DOCK1: variants seen among roughly 807,000 people sequenced by gnomAD.
The protein encoded by DOCK1 is dedicator of cytokinesis protein 1.
DOCK1 carries 138 observed loss-of-function variants against 262.7 expected under a neutral mutation model. The ratio of observed to expected loss-of-function variants is 0.53; its 90% CI spans 0.46 to 0.61. The LOEUF (loss-of-function observed/expected upper bound fraction) is 0.61, where lower values mean the gene tolerates loss of function less well. DOCK1 is among the 20% of genes least tolerant of loss of function. The pLI, the probability that DOCK1 is intolerant of heterozygous loss-of-function variation, is 0.00. For synonymous variants in DOCK1, 866 were observed against 867.4 expected (o/e 1.00, Z 0.03); for missense variants, 1,908 against 2,370.7 (o/e 0.80, Z 4.05).
intron 1 of DOCK1, among the ~76,000 whole-genome samples, chr10:126,926,787 G>A (rs1233302309): frequency 6.6e-6 from 1 of 152,190 alleles, no homozygotes; most frequent in East Asian, 1.9e-4. Flanking sequence ...AGCCCGTAGG[G>A]CTCCCTGGAG....
intron 24 of DOCK1, among the ~76,000 whole-genome samples, chr10:127,108,957 T>A (rs1368586039): frequency 6.6e-6 from 1 of 152,200 alleles, no homozygotes; most frequent in Non-Finnish European, 1.5e-5. Context: ...GGCCTCTAGC[T>A]ACTGTGCTAC....
chr10:126,933,437 G>A (rs927668580), intron 1 of DOCK1, among the ~76,000 whole-genome samples: 56 of 152,154 alleles, frequency 3.7e-4, no homozygotes, highest in Non-Finnish European at 6.9e-4. Flanking sequence ...CTAGAGCTGG[G>A]TTGCCTCCTG....
chr10:126,974,991 G>T (rs1409838243), intron 2 of DOCK1, among the ~76,000 whole-genome samples: 1 of 151,984 alleles, frequency 6.6e-6, no homozygotes, highest in Non-Finnish European at 1.5e-5. Context: ...CCTACTGCTT[G>T]GCCCTTCCTC....
chr10:127,332,707 G>T (rs2063038070), intron 29 of DOCK1, among the ~76,000 whole-genome samples: 2 of 152,138 alleles, frequency 1.3e-5, no homozygotes, highest in Admixed American at 6.5e-5. Context: ...GATACTGGGG[G>T]ACGTTCTTAG....
rs371168485 is a variant in DOCK1 at position 126,919,003 on chromosome 10, C to T, written c.46+13440C>T. On this transcript the variant is annotated intron_variant, in intron 1 of 51. Transcript: ENST00000623213. ...GCCGAGAGGGAGTGTGGGGGCCCTTCGGCCAAGCTTCTTGGCTGTCTAAAG... is the reference window on the plus strand; with the variant it reads ...GCCGAGAGGGAGTGTGGGGGCCCTTTGGCCAAGCTTCTTGGCTGTCTAAAG... 1.6e-4 allele frequency among the ~76,000 whole-genome samples: 17 copies of T among 108,876 alleles called. No homozygotes were observed. In the South Asian group the frequency reaches 1.9e-3, roughly 12 times the overall value. The allele number at this position is 108,876 out of a possible 152,430, so 71.4% of individuals were successfully genotyped here.
intron 32 of DOCK1, among the ~76,000 whole-genome samples, chr10:127,355,051 G>A (rs565229175): frequency 3.6e-4 from 55 of 152,186 alleles, no homozygotes; most frequent in Middle Eastern, 3.4e-3. Context: ...CGTCAAATAG[G>A]AAGCTCATCC....
At chr10:127,180,799 A>G (rs900021013) in intron 27 of DOCK1, among the ~76,000 whole-genome samples, 1 of 152,254 alleles carries the variant, frequency 6.6e-6, no homozygotes, top group African/African-American at 2.4e-5. Context: ...ATTTAGTATC[A>G]TAGAAAAACA....
At chr10:126,921,055 T>C (rs1003367686) in intron 1 of DOCK1, among the ~76,000 whole-genome samples, 1 of 151,890 alleles carries the variant, frequency 6.6e-6, no homozygotes, top group African/African-American at 2.4e-5. Flanking sequence ...AAACAATTAG[T>C]TGGGCGTGGT....
intron 27 of DOCK1, among the ~76,000 whole-genome samples, chr10:127,184,832 A>G (rs1289906386): frequency 6.6e-6 from 1 of 152,074 alleles, no homozygotes; most frequent in Non-Finnish European, 1.5e-5. Flanking sequence ...ATCTAGTCTT[A>G]TCTTCTATGC....
intron 1 of DOCK1, among the ~76,000 whole-genome samples, chr10:126,966,528 T>C (rs2037691228): frequency 1.3e-5 from 2 of 152,222 alleles, no homozygotes; most frequent in Non-Finnish European, 1.5e-5. Context: ...AGTTCTCTTA[T>C]CTCTGCACCT....
intron 1 of DOCK1, among the ~76,000 whole-genome samples, chr10:126,967,961 G>A (rs977663520): frequency 4.6e-5 from 7 of 151,884 alleles, no homozygotes; most frequent in East Asian, 1.9e-4. Flanking sequence ...TTACAGGTGC[G>A]CACCACCACG....
intron 25 of DOCK1, among the ~76,000 whole-genome samples, chr10:127,112,392 G>T (rs561262821): frequency 6.6e-6 from 1 of 152,038 alleles, no homozygotes; most frequent in Non-Finnish European, 1.5e-5. Flanking sequence ...GTTTATATTC[G>T]ATGATTTTGT....
chr10:127,389,039 G>A (rs1290298760), intron 38 of DOCK1, among the ~76,000 whole-genome samples: 1 of 152,198 alleles, frequency 6.6e-6, no homozygotes. Context: ...AACTTGTTGG[G>A]CCTCAATCCT....
chr10:127,397,373 C>A (rs867161890), intron 38 of DOCK1, among the ~76,000 whole-genome samples: 1 of 147,114 alleles, frequency 6.8e-6, no homozygotes, highest in African/African-American at 2.5e-5. Context: ...ATGAGTTACA[C>A]GGGCAGTGTC....
chr10:126,994,217 TC>T (rs1186295064), intron 6 of DOCK1, among the ~76,000 whole-genome samples: 1 of 152,260 alleles, frequency 6.6e-6, no homozygotes, highest in Non-Finnish European at 1.5e-5. Context: ...TTGTCTGTGT[TC>T]TTTAAATAAA....
intron 9 of DOCK1, 104 bp downstream of exon 9, chr10:126,999,539 G>C: frequency 1.1e-6 from 1 of 924,630 alleles, no homozygotes; most frequent in Non-Finnish European, 1.7e-6. Flanking sequence ...GGGTCCCTGG[G>C]ATGCCTGTAT....
At chr10:126,974,110 TGCCTTTAAACAATG>T (rs1233252625) in intron 2 of DOCK1, among the ~76,000 whole-genome samples, 1 of 152,162 alleles carries the variant, frequency 6.6e-6, no homozygotes, top group Non-Finnish European at 1.5e-5. Flanking sequence ...TGCAGACCCC[TGCCTTTAAACAATG>T]TCCTACCTCC....
At chr10:126,945,028 G>T (rs950606679) in intron 1 of DOCK1, among the ~76,000 whole-genome samples, 11 of 152,068 alleles carry the variant, frequency 7.2e-5, no homozygotes, top group African/African-American at 2.7e-4. Context: ...TAGTAGAGAC[G>T]GGGTTTCACT....
At chr10:126,937,317 A>C (rs1007903573) in intron 1 of DOCK1, among the ~76,000 whole-genome samples, 1 of 152,206 alleles carries the variant, frequency 6.6e-6, no homozygotes. Context: ...TATCTCTTCA[A>C]GACCCTGATT....
Sources: gnomAD v4.1 joint callset for allele counts (sites outside exome capture counted in the v4.1 genomes callset) on GRCh38, gnomAD v4.1.1 for gene constraint, MANE v1.5 for transcripts, NCBI Gene and HGNC (gene_info 2026-07-23, HGNC 2026-07-21) for gene names.